Variants in EPYC observed in about 807,000 individuals in gnomAD.
EPYC encodes dermatan sulfate proteoglycan 3.
In EPYC, 28 loss-of-function variants were observed where a neutral mutation model predicts 30.1. The observed-to-expected ratio is 0.93, with a 90% confidence interval of 0.69 to 1.28. The LOEUF is 1.28. Among genes scored for constraint, EPYC ranks in the 50% most tolerant of loss-of-function variants. The pLI is 0.00. For missense variants in EPYC, 382 were observed against 383.5 expected (o/e 1.00, Z 0.03); for synonymous variants, 144 against 141.4 (o/e 1.02, Z -0.13).
At chr12:90,977,114 C>T (rs1034492146) in intron 3 of EPYC, among the ~76,000 whole-genome samples, 5 of 152,054 alleles carry the variant, frequency 3.3e-5, no homozygotes, top group Non-Finnish European at 7.4e-5. Flanking sequence ...TTCATGAGAA[C>T]GGTAGTTATT....
At chr12:91,001,886 G>A (rs1325353783) in intron 2 of EPYC, among the ~76,000 whole-genome samples, 1 of 151,732 alleles carries the variant, frequency 6.6e-6, no homozygotes, top group East Asian at 1.9e-4. Flanking sequence ...AATAACATGA[G>A]CTTTAAAAAA....
intron 3 of EPYC, among the ~76,000 whole-genome samples, chr12:90,975,404 G>A (rs1275954761): frequency 5.9e-5 from 9 of 151,886 alleles, no homozygotes; most frequent in Admixed American, 5.9e-4. Context: ...ATTTGTTTTA[G>A]TAGTAAAAAT....
At position 91,002,445 on chromosome 12, in the gene EPYC, C is replaced by A. The variant is rs1174204335; in HGVS notation, c.121G>T (p.Asp41Tyr). The A allele has an allele frequency of 2.5e-6, 4 of 1,613,122 alleles. No individual in the cohort carries two copies. The highest frequency in any genetic ancestry group is 3.3e-4 in the Middle Eastern group (2 of 6,050). The change falls in exon 2 of 7, where the codon GAT (aspartate) becomes TAT (tyrosine). Residue 41 changes from aspartate (D) to tyrosine (Y), a missense_variant. Coordinates refer to ENST00000261172, the MANE Select transcript of EPYC (RefSeq NM_004950.5). Reference protein sequence around the residue: ...ETYDATLEDLDNLYNYENIPV... With the variant: ...ETYDATLEDLYNLYNYENIPV... ...ATGTTTTCATAGTTGTACAAATTAT[C>A]CAGGTCTTCTAAGGTGGCATCATAG...
At chr12:90,996,296 C>A (rs541838634) in intron 2 of EPYC, among the ~76,000 whole-genome samples, 27 of 151,602 alleles carry the variant, frequency 1.8e-4, no homozygotes, top group African/African-American at 6.3e-4. Flanking sequence ...GGAAGTTGTC[C>A]GGAATTAGCT....
At chr12:90,992,912 C>A (rs1407599333) in intron 2 of EPYC, among the ~76,000 whole-genome samples, 3 of 152,142 alleles carry the variant, frequency 2.0e-5, no homozygotes, top group African/African-American at 7.2e-5. Context: ...TAGAGAAGAA[C>A]AGCTCTAATA....
At chr12:90,971,227 A>T (rs965961776) in intron 5 of EPYC, among the ~76,000 whole-genome samples, 1 of 152,134 alleles carries the variant, frequency 6.6e-6, no homozygotes, top group Admixed American at 6.5e-5. Context: ...ATGGTGCTTC[A>T]GGTAGCCACC....
chr12:91,000,798 T>TAA (rs5799971), intron 2 of EPYC, among the ~76,000 whole-genome samples: 19 of 151,738 alleles, frequency 1.3e-4, no homozygotes, highest in East Asian at 7.8e-4. Flanking sequence ...AACTTTTTTT[T>TAA]AAAAAAATGT....
chr12:90,972,623 T>G, intron 4 of EPYC, 199 bp downstream of exon 4: 1 of 496,522 alleles, frequency 2.0e-6, no homozygotes, highest in South Asian at 3.2e-5. Context: ...CCTATATGGT[T>G]TTGAAATGAC....
intron 3 of EPYC, among the ~76,000 whole-genome samples, chr12:90,975,428 T>G (rs990647875): frequency 8.5e-5 from 13 of 152,206 alleles, no homozygotes; most frequent in African/African-American, 2.9e-4. Context: ...GTATTTTTAT[T>G]TTTAATATTC....
rs11105889 is a variant in EPYC at position 90,968,666 on chromosome 12, T to A, written c.798+1378A>T. The stretch of plus-strand genomic sequence containing the variant: ...ATGTAAAAGCTGTTACTTTAAAAAA[T>A]TCCCTCATATTATATATACAAACTA... On this transcript the variant is annotated intron_variant, in intron 6 of 6. Transcript: ENST00000261172. Among the ~76,000 whole-genome samples the A allele has an allele frequency of 3.3e-5, 5 of 152,240 alleles. No individual in the cohort carries two copies. In the East Asian group the frequency reaches 9.6e-4, roughly 29 times the overall value.
intron 2 of EPYC, among the ~76,000 whole-genome samples, chr12:91,002,150 A>C (rs1382587721): frequency 7.1e-6 from 1 of 140,550 alleles, no homozygotes; most frequent in Non-Finnish European, 1.5e-5. Context: ...AGACTGCGAC[A>C]CTGCATTACA....
intron 2 of EPYC, among the ~76,000 whole-genome samples, chr12:90,993,872 A>AAAAGGTGATGG (rs1877641812): frequency 6.6e-6 from 1 of 152,084 alleles, no homozygotes. Context: ...TACTGTTAAG[A>AAAAGGTGATGG]AAAGGTGATG....
chr12:90,966,214 T>C (rs1334544851), intron 6 of EPYC, among the ~76,000 whole-genome samples: 1 of 152,058 alleles, frequency 6.6e-6, no homozygotes, highest in African/African-American at 2.4e-5. Context: ...TAGTCTTGTT[T>C]CTGTTCTTAG....
At chr12:90,982,766 C>T (rs903318426) in intron 2 of EPYC, among the ~76,000 whole-genome samples, 1 of 152,112 alleles carries the variant, frequency 6.6e-6, no homozygotes, top group Non-Finnish European at 1.5e-5. Flanking sequence ...TGGCTTATTT[C>T]ACCTAACATA....
intron 2 of EPYC, among the ~76,000 whole-genome samples, chr12:91,001,526 T>C (rs1877822502): frequency 6.6e-6 from 1 of 152,140 alleles, no homozygotes; most frequent in Admixed American, 6.6e-5. Flanking sequence ...TATCCTTTAG[T>C]TATATTAAAA....
intron 2 of EPYC, among the ~76,000 whole-genome samples, chr12:90,996,063 G>A (rs921140782): frequency 6.6e-6 from 1 of 151,658 alleles, no homozygotes; most frequent in South Asian, 2.1e-4. Context: ...GGCCAAAGTA[G>A]GATATATTTT....
chr12:90,980,196 G>A (rs1177806823), intron 2 of EPYC, among the ~76,000 whole-genome samples: 5 of 152,104 alleles, frequency 3.3e-5, no homozygotes, highest in Admixed American at 1.3e-4. Flanking sequence ...TTCCAGACAC[G>A]TTGCCTTGAA....
chr12:90,980,909 C>G (rs893540849), intron 2 of EPYC, among the ~76,000 whole-genome samples: 1 of 152,106 alleles, frequency 6.6e-6, no homozygotes, highest in South Asian at 2.1e-4. Context: ...ATGGTCATTA[C>G]TACGTATGAC....
chr12:90,970,723 T>C (rs1013898895), intron 5 of EPYC, among the ~76,000 whole-genome samples: 1 of 152,120 alleles, frequency 6.6e-6, no homozygotes, highest in African/African-American at 2.4e-5. Context: ...CTGGCTATAG[T>C]GAGATGCCCT....
Sources: gnomAD v4.1 joint callset for allele counts (sites outside exome capture counted in the v4.1 genomes callset) on GRCh38, gnomAD v4.1.1 for gene constraint, MANE v1.5 for transcripts, NCBI Gene and HGNC (gene_info 2026-07-23, HGNC 2026-07-21) for gene names.